CYP4V2: variants seen among roughly 807,000 people sequenced by gnomAD.
The protein encoded by CYP4V2 is cytochrome P450 4V2.
In CYP4V2, 55 loss-of-function variants were observed where a neutral mutation model predicts 60.8. The observed-to-expected ratio is 0.90, with a 90% CI of 0.73 to 1.13. CYP4V2 has a LOEUF of 1.13. Ranked by LOEUF, CYP4V2 falls within the 50% of genes most tolerant of loss-of-function variation. The probability of loss-of-function intolerance (pLI) is 0.00; values close to 1 mark genes in which losing one functional copy is unlikely to be tolerated. For synonymous variants in CYP4V2, 239 were observed against 236.8 expected (o/e 1.01, Z -0.08); for missense variants, 675 against 662.9 (o/e 1.02, Z -0.20).
At chr4:186,192,966 C>G (rs1463205785) in intron 1 of CYP4V2, among the ~76,000 whole-genome samples, 1 of 152,162 alleles carries the variant, frequency 6.6e-6, no homozygotes, top group Non-Finnish European at 1.5e-5. Flanking sequence ...CTTGTTTTCT[C>G]TAATAAAAAT....
chr4:186,204,042 T>C (rs947257563), intron 7 of CYP4V2: 3 of 152,308 alleles, frequency 2.0e-5, no homozygotes, highest in African/African-American at 7.2e-5. Context: ...TACATTTTTT[T>C]TTTTTCTGAA....
intron 8 of CYP4V2, among the ~76,000 whole-genome samples, chr4:186,208,638 G>A (rs567518944): frequency 5.9e-5 from 9 of 151,926 alleles, no homozygotes; most frequent in Non-Finnish European, 1.3e-4. Context: ...TTTCTTTGAA[G>A]GGTATTTGAT....
chr4:186,191,853 G>T lies in CYP4V2; in HGVS notation c.30G>T (p.Trp10Cys). 1 of 1,579,806 alleles carries T rather than the reference G, an allele frequency of 6.3e-7. No homozygotes were observed. The highest frequency in any genetic ancestry group is 8.6e-7 in the Non-Finnish European group (1 of 1,168,772). Residue 10 changes from tryptophan to cysteine, a missense_variant, in exon 1 of 11, where the codon TGG (tryptophan) becomes TGT (cysteine). By Grantham distance (215) the Trp-to-Cys change is radical. Transcript: ENST00000378802. ...CGGGGCTCTGGCTGGGGCTCGTGTG[G>T]CAGAAGCTGCTGCTGTGGGGCGCGG... The part of the protein sequence containing the change: MAGLWLGLV[W>C]QKLLLWGAAS...
Position 186,196,013 on chromosome 4 carries a change from C to G in CYP4V2, c.338C>G (p.Thr113Ser), listed in dbSNP as rs368998803. ...TTTTCTCTTCCTAAGGTAATTTTAA[C>G]TAGTTCAAAGCAAATTGACAAATCC... The part of the protein sequence containing the change: ...YNAENVEVIL[T>S]SSKQIDKSSM... Residue 113 changes from threonine to serine, a missense_variant, in exon 3 of 11, where the codon ACT (threonine) becomes AGT (serine). By Grantham distance (58) the Thr-to-Ser change is moderately conservative. Coordinates refer to ENST00000378802, the MANE Select transcript of CYP4V2 (RefSeq NM_207352.4). 9 of 1,612,782 alleles carry G rather than the reference C, an allele frequency of 5.6e-6. No individual in the cohort carries two copies. In the South Asian group the frequency reaches 8.8e-5, roughly 16 times the overall value.
rs533517097 is a variant in CYP4V2, at chr4:186,209,603, G to A, written c.1405+331G>A. ...CTGGTTTCTCCTGAGGCCTCTCTCC[G>A]TGGCTTGTAGATGCCATTTTCTCCT... On this transcript the variant is annotated intron_variant, in intron 10 of 10. Transcript: ENST00000378802. Among the ~76,000 whole-genome samples the A allele has an allele frequency of 4.6e-5, 7 of 152,196 alleles. No individual in the cohort carries two copies. In the South Asian group the frequency reaches 1.0e-3, roughly 23 times the overall value.
intron 3 of CYP4V2, chr4:186,196,625 AATTT>A: frequency 3.0e-6 from 1 of 333,140 alleles, no homozygotes; most frequent in Non-Finnish European, 5.5e-6. Context: ...AGGAGAAATA[AATTT>A]ATTATTAGAA....
In CYP4V2 at chr4:186,210,752, A is replaced by G. The variant is rs1291405258; in HGVS notation, c.*111A>G. 7.4e-7 allele frequency: 1 copy of G among 1,343,626 alleles called. No homozygotes were observed. Among genetic ancestry groups the G allele is most frequent in the Non-Finnish European group, 1.0e-6 (1 of 965,008 alleles). The allele number at this position is 1,343,626 out of a possible 1,614,324, so 83.2% of individuals were successfully genotyped here. Reference sequence around the variant, plus strand: ...CAATATGCTTGAATCCCCTAGACCTAATTTTTCCTTGATCCCACTGATCTT... The same window carrying G: ...CAATATGCTTGAATCCCCTAGACCTGATTTTTCCTTGATCCCACTGATCTT... On this transcript the variant is annotated 3_prime_UTR_variant, in exon 11 of 11. Transcript: ENST00000378802.
In CYP4V2 at chr4:186,209,194, C is replaced by T. The variant is rs777774802; in HGVS notation, c.1327C>T (p.Arg443Trp). The change falls in exon 10 of 11, where the codon CGG becomes TGG. Residue 443 changes from arginine to tryptophan, a missense_variant. Coordinates refer to ENST00000378802, the MANE Select transcript of CYP4V2 (RefSeq NM_207352.4). The stretch of plus-strand genomic sequence containing the variant: ...CAACCCCGAGGAGTTCCAGCCTGAG[C>T]GGTTCTTCCCCGAGAATGCACAAGG... ...FPNPEEFQPE[R>W]FFPENAQGRH... The T allele has an allele frequency of 4.6e-5, 75 of 1,613,972 alleles. No homozygotes were observed. Among genetic ancestry groups the T allele is most frequent in the Non-Finnish European group, 5.7e-5 (67 of 1,180,034 alleles).
chr4:186,205,443 C>A, intron 8 of CYP4V2, 141 bp downstream of exon 8: 1 of 860,510 alleles, frequency 1.2e-6, no homozygotes, highest in Non-Finnish European at 1.9e-6. Flanking sequence ...AAGGCCTCGT[C>A]CATTCACTCA....
chr4:186,206,592 T>A (rs1051710692), intron 8 of CYP4V2, among the ~76,000 whole-genome samples: 2 of 152,014 alleles, frequency 1.3e-5, no homozygotes, highest in African/African-American at 2.4e-5. Context: ...GGAATAAAGC[T>A]GGAGAGAGAA....
In CYP4V2 at chr4:186,204,231, G is replaced by A. The variant is rs865774450; in HGVS notation, c.988-969G>A. On this transcript the variant is annotated intron_variant, in intron 7 of 10. Transcript: ENST00000378802. ...GAGGTGGAGGTGGAGACGTTACGCTGGCGTAAGAGGTGGCGGTGGAGACGC... is the reference window on the plus strand; with the variant it reads ...GAGGTGGAGGTGGAGACGTTACGCTAGCGTAAGAGGTGGCGGTGGAGACGC... 301 of 173,598 alleles carry A rather than the reference G, an allele frequency of 1.7e-3. 1 individual carries two copies. The highest frequency in any genetic ancestry group is 6.6e-3 in the African/African-American group (261 of 39,706). The allele number at this position is 173,598 out of a possible 1,614,324, so 10.8% of individuals were successfully genotyped here.
intron 8 of CYP4V2, among the ~76,000 whole-genome samples, chr4:186,207,816 G>C (rs1736570340): frequency 6.6e-6 from 1 of 152,006 alleles, no homozygotes. Context: ...CCCTGGCCCT[G>C]GAAGCCTGTG....
chr4:186,197,162 G>T, intron 4 of CYP4V2, 32 bp downstream of exon 4: 1 of 1,610,820 alleles, frequency 6.2e-7, no homozygotes, highest in South Asian at 1.1e-5. Flanking sequence ...CTAAATTTAT[G>T]GCATAAAGAG....
At chr4:186,210,336 T>C (rs1579977988) in intron 10 of CYP4V2, 133 bp from the exon 11 acceptor site, 2 of 1,103,970 alleles carry the variant, frequency 1.8e-6, no homozygotes, top group South Asian at 1.4e-5. Flanking sequence ...TAACAGGTGT[T>C]CCAAGCCATT....
chr4:186,205,178 C>G, intron 7 of CYP4V2, 22 bp from the exon 8 acceptor site: 1 of 1,610,202 alleles, frequency 6.2e-7, no homozygotes, highest in Non-Finnish European at 8.5e-7. Flanking sequence ...GCTTTTTAAG[C>G]TATTGTTTTC....
chr4:186,199,264 C>T (rs1334410852), intron 6 of CYP4V2, among the ~76,000 whole-genome samples, 181 bp downstream of exon 6: 1 of 151,956 alleles, frequency 6.6e-6, no homozygotes, highest in Non-Finnish European at 1.5e-5. Context: ...TTAACATACC[C>T]GGTGTAGGAC....
At chr4:186,193,630 A>G (rs756794397) in intron 1 of CYP4V2, among the ~76,000 whole-genome samples, 31 of 152,218 alleles carry the variant, frequency 2.0e-4, no homozygotes, top group Non-Finnish European at 3.7e-4. Context: ...CAAAGTTTCT[A>G]GATCACTGTC....
Position 186,212,992 on chromosome 4 carries a change from A to G in CYP4V2, c.*2351A>G, listed in dbSNP as rs1736778854. 6.6e-6 allele frequency: 1 copy of G among 152,236 alleles called. No individual in the cohort carries two copies. Among genetic ancestry groups the G allele is most frequent in the African/African-American group, 2.4e-5 (1 of 41,456 alleles). The allele number at this position is 152,236 out of a possible 1,614,324, so 9.4% of individuals were successfully genotyped here. A position where few individuals can be genotyped will look rare whatever the true frequency, so the allele number is the denominator to read the frequency against. ...TCCTTCCAAGATGATTTTGGATAAT[A>G]AAAGTTGTATTTGTGGAAATTGGTA... On this transcript the variant is annotated 3_prime_UTR_variant, in exon 11 of 11. Coordinates refer to ENST00000378802, the MANE Select transcript of CYP4V2 (RefSeq NM_207352.4).
rs145900260 is a variant in CYP4V2 at position 186,210,873 on chromosome 4, G to A, written c.*232G>A. ...TTTTGAAACCGTGTCTCACTCTGTC[G>A]CCCAGGCTGGAGGAGTGCAGTGGTG... On this transcript the variant is annotated 3_prime_UTR_variant, in exon 11 of 11. Coordinates refer to ENST00000378802, the MANE Select transcript of CYP4V2 (RefSeq NM_207352.4). 5.6e-4 allele frequency: 260 copies of A among 463,050 alleles called. 2 individuals are homozygous for A. The highest frequency in any genetic ancestry group is 7.4e-4 in the Non-Finnish European group (193 of 261,920). The allele number at this position is 463,050 out of a possible 1,614,324, so 28.7% of individuals were successfully genotyped here.
Sources: gnomAD v4.1 joint callset for allele counts (sites outside exome capture counted in the v4.1 genomes callset) on GRCh38, gnomAD v4.1.1 for gene constraint, MANE v1.5 for transcripts, NCBI Gene and HGNC (gene_info 2026-07-23, HGNC 2026-07-21) for gene names.